The following CCDC171 variants were observed in gnomAD, a reference collection of about 807,000 sequenced individuals.
The protein encoded by CCDC171 is coiled-coil domain containing 171.
In CCDC171, 177 loss-of-function variants were observed where a neutral mutation model predicts 168.2. The ratio of observed to expected loss-of-function variants is 1.05; its 90% CI spans 0.93 to 1.19. The LOEUF is 1.19. Ranked by LOEUF, CCDC171 falls within the 50% of genes most tolerant of loss-of-function variation. The pLI, the probability that CCDC171 is intolerant of heterozygous loss-of-function variation, is 0.00. For synonymous variants in CCDC171, 687 were observed against 540.8 expected (o/e 1.27, Z -3.75); for missense variants, 1,991 against 1,539.0 (o/e 1.29, Z -4.91).
intron 8 of CCDC171, among the ~76,000 whole-genome samples, chr9:15,657,538 C>T (rs1485871542): frequency 6.6e-6 from 1 of 152,110 alleles, no homozygotes; most frequent in African/African-American, 2.4e-5. Flanking sequence ...AAGAAATTTG[C>T]AGATTGGAGT....
At chr9:15,731,674 G>A (rs2054159027) in intron 16 of CCDC171, among the ~76,000 whole-genome samples, 1 of 152,006 alleles carries the variant, frequency 6.6e-6, no homozygotes, top group African/African-American at 2.4e-5. Context: ...TATTGTACAA[G>A]TCTTTTGTCA....
rs1194146315 is a variant in CCDC171, at chr9:15,851,263, T to C, written c.3468+2316T>C. Among the ~76,000 whole-genome samples, 11 of 151,954 alleles carry C rather than the reference T, an allele frequency of 7.2e-5. 1 individual carries two copies. The Admixed American group carries it at 7.2e-4, about 10-fold the overall frequency. The stretch of plus-strand genomic sequence containing the variant: ...TTAGATATTATTTTCAAAATTCCAT[T>C]GGGGACTGATAACTACTATTTAATA... On this transcript the variant is annotated intron_variant, in intron 23 of 25. Coordinates refer to ENST00000380701, the MANE Select transcript of CCDC171 (RefSeq NM_173550.4).
At chr9:15,858,252 A>T (rs1349452669) in intron 23 of CCDC171, among the ~76,000 whole-genome samples, 2 of 151,796 alleles carry the variant, frequency 1.3e-5, no homozygotes, top group Non-Finnish European at 2.9e-5. Context: ...ACTCCTGAGC[A>T]CAGGTGATCC....
intron 7 of CCDC171, among the ~76,000 whole-genome samples, chr9:15,633,375 C>G (rs566194722): frequency 9.9e-5 from 15 of 152,174 alleles, no homozygotes; most frequent in Admixed American, 9.8e-4. Flanking sequence ...CATGAACAGA[C>G]ACTTCTGAAA....
intron 23 of CCDC171, among the ~76,000 whole-genome samples, chr9:15,852,969 G>GT (rs1366622316): frequency 1.3e-5 from 2 of 151,522 alleles, no homozygotes; most frequent in African/African-American, 2.4e-5. Context: ...TATCAGTACC[G>GT]TAAGTTTTGA....
chr9:15,772,223 G>A (rs1301924307), intron 18 of CCDC171, among the ~76,000 whole-genome samples: 2 of 152,098 alleles, frequency 1.3e-5, no homozygotes, highest in South Asian at 2.1e-4. Flanking sequence ...TAAGTTCGTG[G>A]ATCGATCTAT....
At position 16,016,970 on chromosome 9, in the gene CCDC171, C is replaced by T. The variant is rs140087971; in HGVS notation, n.369-3619C>T. On this transcript the variant is annotated intron_variant and non_coding_transcript_variant, in intron 3 of 9. Coordinates refer to the CCDC171 transcript ENST00000486641. ...GCACCCAGCAGTTTTCCAGTAAGAT[C>T]GTAAAAATCAGTGCATGGCATTAGA... is the stretch of plus-strand genomic sequence containing the variant. 1.7e-3 allele frequency among the ~76,000 whole-genome samples: 253 copies of T among 152,170 alleles called. 2 individuals carry two copies. Among genetic ancestry groups the T allele is most frequent in the African/African-American group, 5.7e-3 (235 of 41,502 alleles).
At chr9:16,025,465 A>G (rs1455401436) in intron 6 of CCDC171, among the ~76,000 whole-genome samples, 1 of 152,076 alleles carries the variant, frequency 6.6e-6, no homozygotes, top group African/African-American at 2.4e-5. Context: ...TCTCAAAAAC[A>G]AACAAACAAA....
intron 3 of CCDC171, among the ~76,000 whole-genome samples, chr9:15,992,013 GGC>G (rs1832216973): frequency 3.9e-5 from 6 of 152,196 alleles, no homozygotes; most frequent in Non-Finnish European, 5.9e-5. Flanking sequence ...AGGAGGAGCT[GGC>G]TCCATTCCTT....
intron 1 of CCDC171, among the ~76,000 whole-genome samples, chr9:15,558,250 A>T (rs1416484432): frequency 6.6e-6 from 1 of 152,170 alleles, no homozygotes; most frequent in Non-Finnish European, 1.5e-5. Flanking sequence ...TGCTGGCCTC[A>T]TAAAATGAAT....
In CCDC171 at chr9:15,818,004, G is replaced by C. The variant is rs1429447982; in HGVS notation, c.3268-28698G>C. Among the ~76,000 whole-genome samples the C allele has an allele frequency of 1.7e-5, 2 of 116,986 alleles. 1 individual carries two copies. Among genetic ancestry groups the C allele is most frequent in the African/African-American group, 6.4e-5 (2 of 31,126 alleles). 76.7% of individuals were successfully genotyped at this position (116,986 alleles called of 152,430 possible). ...ACTCCTCTGAGACAAAACTTCCAGA[G>C]GAACGATCAGGCAGCAGCATTTGCG... On this transcript the variant is annotated intron_variant, in intron 21 of 25. Coordinates refer to ENST00000380701, the MANE Select transcript of CCDC171 (RefSeq NM_173550.4).
chr9:15,646,351 C>T (rs2047037007), intron 7 of CCDC171, among the ~76,000 whole-genome samples: 1 of 152,116 alleles, frequency 6.6e-6, no homozygotes, highest in Non-Finnish European at 1.5e-5. Context: ...AACTAATGAG[C>T]AAAATAACCA....
At chr9:15,617,455 C>T (rs1587445111) in intron 6 of CCDC171, among the ~76,000 whole-genome samples, 1 of 151,106 alleles carries the variant, frequency 6.6e-6, no homozygotes, top group African/African-American at 2.4e-5. Flanking sequence ...CGGCTCACTG[C>T]AAGCTCCGCC....
At chr9:15,926,249 A>T (rs917592083) in intron 25 of CCDC171, among the ~76,000 whole-genome samples, 1 of 151,742 alleles carries the variant, frequency 6.6e-6, no homozygotes, top group Non-Finnish European at 1.5e-5. Flanking sequence ...TGGATAGTAC[A>T]TATGTTTAAT....
At chr9:15,598,162 G>T (rs1442631064) in intron 6 of CCDC171, among the ~76,000 whole-genome samples, 2 of 151,998 alleles carry the variant, frequency 1.3e-5, no homozygotes, top group Admixed American at 1.3e-4. Flanking sequence ...GTTCTCTTCT[G>T]ATCTTAGTTA....
chr9:15,998,574 C>G (rs1198509725), intron 3 of CCDC171, among the ~76,000 whole-genome samples: 1 of 152,096 alleles, frequency 6.6e-6, no homozygotes, highest in African/African-American at 2.4e-5. Context: ...TCAATATAGT[C>G]GATTTGTCAT....
chr9:15,725,865 A>C (rs1367139610), intron 14 of CCDC171, among the ~76,000 whole-genome samples: 6 of 152,218 alleles, frequency 3.9e-5, no homozygotes, highest in Non-Finnish European at 5.9e-5. Context: ...CATAAAATTA[A>C]AACTTTTCAT....
intron 7 of CCDC171, among the ~76,000 whole-genome samples, chr9:15,641,524 T>C (rs1156936150): frequency 6.6e-6 from 1 of 152,216 alleles, no homozygotes; most frequent in Non-Finnish European, 1.5e-5. Flanking sequence ...GAACCAAATG[T>C]GACGTGGAGA....
At chr9:15,983,511 T>TGAGAGA (rs139449191) in intron 3 of CCDC171, among the ~76,000 whole-genome samples, 1 of 137,288 alleles carries the variant, frequency 7.3e-6, no homozygotes, top group Non-Finnish European at 1.6e-5. Context: ...TGTGTGTGTG[T>TGAGAGA]GAGAGAGAGA....
Sources: allele counts gnomAD v4.1 joint callset (sites outside exome capture counted in the v4.1 genomes callset), GRCh38; gene constraint gnomAD v4.1.1; transcripts MANE v1.5; gene names NCBI Gene and HGNC (gene_info 2026-07-23, HGNC 2026-07-21).